Variants in GATAD1 observed in about 807,000 individuals in gnomAD.
GATAD1 encodes GATA zinc finger domain containing 1, also known as GATA zinc finger domain-containing protein 1.
In GATAD1, 12 loss-of-function variants were observed where a neutral mutation model predicts 26.5. That is an observed-to-expected ratio of 0.45 (90% CI 0.29 to 0.73). The LOEUF (loss-of-function observed/expected upper bound fraction) is 0.73, where lower values mean the gene tolerates loss of function less well. Ranked by LOEUF, GATAD1 falls within the 30% of genes least tolerant of loss-of-function variation. GATAD1 has a pLI of 0.10. For synonymous variants in GATAD1, 129 were observed against 133.1 expected (o/e 0.97, Z 0.21); for missense variants, 266 against 342.1 (o/e 0.78, Z 1.75).
chr7:92,490,919 G>A, the GATAD1 span, among the ~76,000 whole-genome samples: 10 of 152,096 alleles, frequency 6.6e-5, no homozygotes, highest in Non-Finnish European at 1.3e-4. Flanking sequence ...TTACATTATT[G>A]TATCAAATTA....
the GATAD1 span, chr7:92,490,023 A>AT: frequency 3.6e-6 from 3 of 844,598 alleles, no homozygotes; most frequent in African/African-American, 5.0e-5. Context: ...ATTAACATAG[A>AT]TAAGTATACA....
chr7:92,455,110 C>CT (rs1789612120), intron 4 of GATAD1, among the ~76,000 whole-genome samples: 1 of 145,018 alleles, frequency 6.9e-6, no homozygotes, highest in African/African-American at 2.6e-5. Context: ...TGGAGGGTGG[C>CT]GGGGGGGGAT....
At chr7:92,475,317 A>G in the GATAD1 span, 2 of 152,172 alleles carry the variant, frequency 1.3e-5, no homozygotes, top group African/African-American at 4.8e-5. Context: ...CTGAAAAAAG[A>G]ACATAGGGAT....
the GATAD1 span, chr7:92,468,248 A>G: frequency 3.1e-5 from 5 of 161,332 alleles, no homozygotes; most frequent in Non-Finnish European, 5.4e-5. Flanking sequence ...TCGCTGGATC[A>G]GGAGCACAGC....
At chr7:92,480,150 C>T in the GATAD1 span, among the ~76,000 whole-genome samples, 7 of 152,056 alleles carry the variant, frequency 4.6e-5, no homozygotes, top group Non-Finnish European at 1.0e-4. Context: ...AAAAACTGCT[C>T]AGGTGATTTG....
At chr7:92,451,336 A>G (rs1311313530) in intron 3 of GATAD1, among the ~76,000 whole-genome samples, 1 of 152,226 alleles carries the variant, frequency 6.6e-6, no homozygotes, top group African/African-American at 2.4e-5. Flanking sequence ...CCTCAGTGAG[A>G]GAAGTGACAG....
chr7:92,468,099 C>G, the GATAD1 span, among the ~76,000 whole-genome samples: 4 of 152,144 alleles, frequency 2.6e-5, no homozygotes, highest in South Asian at 2.1e-4. Flanking sequence ...TGTTATAGCT[C>G]TATTAGAAGC....
Position 92,456,499 on chromosome 7 carries a change from A to G in GATAD1, c.747A>G (p.Ile249Met), listed in dbSNP as rs1400201573. Residue 249 changes from isoleucine to methionine, a missense_variant, in exon 5 of 5, where the codon ATA becomes ATG. Physicochemically the swap from Ile to Met is conservative, Grantham distance 10. Coordinates refer to ENST00000287957, the MANE Select transcript of GATAD1 (RefSeq NM_021167.5). Reference sequence around the variant, plus strand: ...CCACCAGACCAGAGAAGGGCTACATATGGACTCATGTTGGGCCTACTCCTG... The same window carrying G: ...CCACCAGACCAGAGAAGGGCTACATGTGGACTCATGTTGGGCCTACTCCTG... ...TVPTRPEKGYIWTHVGPTPAI... is the reference protein window; with the variant it reads ...TVPTRPEKGYMWTHVGPTPAI... 6.2e-7 allele frequency: 1 copy of G among 1,612,810 alleles called. No homozygotes were observed. Among genetic ancestry groups the G allele is most frequent in the Non-Finnish European group, 8.5e-7 (1 of 1,178,964 alleles).
In GATAD1 at chr7:92,457,548, C is replaced by G. The variant is rs1204147729; in HGVS notation, c.*986C>G. 2.0e-5 allele frequency: 3 copies of G among 152,126 alleles called. No individual in the cohort carries two copies. Among genetic ancestry groups the G allele is most frequent in the African/African-American group, 4.8e-5 (2 of 41,420 alleles). The allele number at this position is 152,126 out of a possible 1,614,324, so 9.4% of individuals were successfully genotyped here. Reference sequence around the variant, plus strand: ...AATTATATTCTATATGTGTATCTTCCTAGGCAAAAGCTGTAATTTCCAGAG... The same window carrying G: ...AATTATATTCTATATGTGTATCTTCGTAGGCAAAAGCTGTAATTTCCAGAG... On this transcript the variant is annotated 3_prime_UTR_variant, in exon 5 of 5. Transcript: ENST00000287957.
chr7:92,474,376 C>A, the GATAD1 span, among the ~76,000 whole-genome samples: 1 of 152,154 alleles, frequency 6.6e-6, no homozygotes, highest in East Asian at 1.9e-4. Flanking sequence ...CAATGCCTCC[C>A]TTAGTCTCTC....
At chr7:92,483,928 A>G in the GATAD1 span, among the ~76,000 whole-genome samples, 1 of 152,184 alleles carries the variant, frequency 6.6e-6, no homozygotes, top group Admixed American at 6.5e-5. Flanking sequence ...GGAGGATTCA[A>G]AGGACTCAGA....
the GATAD1 span, among the ~76,000 whole-genome samples, chr7:92,481,001 G>A: frequency 6.6e-6 from 1 of 152,186 alleles, no homozygotes; most frequent in African/African-American, 2.4e-5. Context: ...TAGTCCCTTT[G>A]CAAGAGTGAA....
the GATAD1 span, among the ~76,000 whole-genome samples, chr7:92,483,816 A>G: frequency 6.6e-6 from 1 of 152,262 alleles, no homozygotes; most frequent in Admixed American, 6.5e-5. Context: ...TAAAAGGATT[A>G]TAGGGTGGGG....
the GATAD1 span, among the ~76,000 whole-genome samples, chr7:92,488,596 T>C: frequency 6.6e-6 from 1 of 152,220 alleles, no homozygotes; most frequent in Non-Finnish European, 1.5e-5. Flanking sequence ...TTAAATGTTC[T>C]TGAGGTCAAT....
the GATAD1 span, among the ~76,000 whole-genome samples, chr7:92,483,426 A>T: frequency 6.6e-6 from 1 of 152,228 alleles, no homozygotes; most frequent in Non-Finnish European, 1.5e-5. Context: ...TACACCTTGA[A>T]GTGAGGTTAA....
the GATAD1 span, among the ~76,000 whole-genome samples, chr7:92,485,052 G>A: frequency 1.3e-5 from 2 of 151,962 alleles, no homozygotes; most frequent in Non-Finnish European, 2.9e-5. Context: ...GGGTCACAAG[G>A]TGCTCAGTGG....
chr7:92,467,945 C>T, the GATAD1 span, among the ~76,000 whole-genome samples: 12 of 152,204 alleles, frequency 7.9e-5, no homozygotes, highest in African/African-American at 2.9e-4. Context: ...CCATTAGTGG[C>T]CCATGCATTT....
At chr7:92,462,789 T>C (rs1309384967), downstream of GATAD1, among the ~76,000 whole-genome samples, 1 of 152,178 alleles carries the variant, frequency 6.6e-6, no homozygotes, top group African/African-American at 2.4e-5. Context: ...AGCCTTCCTT[T>C]CTCTCCTCAC....
chr7:92,474,279 A>G, the GATAD1 span, among the ~76,000 whole-genome samples: 1 of 152,040 alleles, frequency 6.6e-6, no homozygotes, highest in Non-Finnish European at 1.5e-5. Flanking sequence ...GTTTTTTTCT[A>G]ATGTCTGCAG....
Sources: gnomAD v4.1 joint callset for allele counts (sites outside exome capture counted in the v4.1 genomes callset) on GRCh38, gnomAD v4.1.1 for gene constraint, MANE v1.5 for transcripts, NCBI Gene and HGNC (gene_info 2026-07-23, HGNC 2026-07-21) for gene names.